The following RASGEF1C variants were observed in gnomAD, a reference collection of about 807,000 sequenced individuals.
The protein encoded by RASGEF1C is RasGEF domain family member 1C.
Under a neutral mutation model 58.1 loss-of-function variants are expected in RASGEF1C, and 27 were observed. The observed-to-expected ratio is 0.46, with a 90% CI of 0.34 to 0.64. RASGEF1C has a LOEUF of 0.64. RASGEF1C is among the 30% of genes least tolerant of loss of function. The probability of loss-of-function intolerance (pLI) is 0.01; values close to 1 mark genes in which losing one functional copy is unlikely to be tolerated. For synonymous variants in RASGEF1C, 243 were observed against 246.3 expected, an observed-to-expected ratio of 0.99 and a Z score of 0.13; for missense variants, 502 against 605.1, an observed-to-expected ratio of 0.83 and a Z score of 1.79.
At chr5:180,165,840 C>T (rs1767013572) in intron 1 of RASGEF1C, among the ~76,000 whole-genome samples, 1 of 141,686 alleles carries the variant, frequency 7.1e-6, no homozygotes, top group Non-Finnish European at 1.5e-5. Flanking sequence ...AGCTCTGCCT[C>T]CCGGGTTCAT....
intron 1 of RASGEF1C, among the ~76,000 whole-genome samples, chr5:180,157,834 A>G (rs527622769): frequency 6.6e-6 from 1 of 152,304 alleles, no homozygotes; most frequent in Non-Finnish European, 1.5e-5. Context: ...GGTGAAACAC[A>G]GAGGATTTCT....
At chr5:180,153,006 C>T (rs897348325) in intron 1 of RASGEF1C, among the ~76,000 whole-genome samples, 24 of 151,128 alleles carry the variant, frequency 1.6e-4, no homozygotes, top group Admixed American at 5.3e-4. Context: ...TTTTTTGAGG[C>T]TGTACCTTTC....
chr5:180,142,905 T>C (rs1281694475), intron 1 of RASGEF1C, among the ~76,000 whole-genome samples: 1 of 152,062 alleles, frequency 6.6e-6, no homozygotes, highest in Non-Finnish European at 1.5e-5. Context: ...GTGCCCCCGC[T>C]GTGGCAAGGG....
chr5:180,121,451 C>G (rs1302742950), intron 6 of RASGEF1C, among the ~76,000 whole-genome samples: 1 of 151,932 alleles, frequency 6.6e-6, no homozygotes, highest in Non-Finnish European at 1.5e-5. Flanking sequence ...GTAGGTGGGA[C>G]TACAGGCGCC....
At chr5:180,195,155 C>T (rs1412779059) in intron 1 of RASGEF1C, among the ~76,000 whole-genome samples, 2 of 152,184 alleles carry the variant, frequency 1.3e-5, no homozygotes, top group Non-Finnish European at 2.9e-5. Flanking sequence ...CGTGGCCTGA[C>T]TCCTGTTTGA....
chr5:180,104,689 C>T (rs892094898), intron 12 of RASGEF1C, among the ~76,000 whole-genome samples: 9 of 152,122 alleles, frequency 5.9e-5, no homozygotes, highest in Middle Eastern at 3.2e-3. Flanking sequence ...TAGAAGTCTC[C>T]AGTGTAACCA....
At chr5:180,185,415 T>C (rs1756015838) in intron 1 of RASGEF1C, among the ~76,000 whole-genome samples, 1 of 151,828 alleles carries the variant, frequency 6.6e-6, no homozygotes. Context: ...TGAAATCCCA[T>C]CTCTACTAAA....
chr5:180,162,535 A>G (rs1323996508), intron 1 of RASGEF1C, among the ~76,000 whole-genome samples: 1 of 152,224 alleles, frequency 6.6e-6, no homozygotes, highest in Admixed American at 6.5e-5. Context: ...TCAAAGCTGA[A>G]AATGGAACTG....
rs1257336798 is a variant in RASGEF1C, at chr5:180,190,327, A to AAT, written c.-7+18700_-7+18701insAT. ...ACGGTGAAACCCCGTCTCTACTAAA[A>AAT]ACAAAACAAAAAATTAGCCGGGCGT... is the stretch of plus-strand genomic sequence containing the variant. On this transcript the variant is annotated intron_variant, in intron 1 of 13. Transcript: ENST00000361132. Among the ~76,000 whole-genome samples the AAT allele has an allele frequency of 1.1e-4, 17 of 151,460 alleles. No individual in the cohort carries two copies. In the South Asian group the frequency reaches 2.3e-3, roughly 20 times the overall value.
At chr5:180,113,557 A>C (rs375510420) in intron 11 of RASGEF1C, among the ~76,000 whole-genome samples, 14 of 70,470 alleles carry the variant, frequency 2.0e-4, no homozygotes, top group South Asian at 6.7e-4. Context: ...GGGATCCGGG[A>C]TGGACGGAGG....
Position 180,143,634 on chromosome 5 carries a change from T to TC in RASGEF1C, c.-6-5577dup, listed in dbSNP as rs1301199808. 6.6e-6 allele frequency among the ~76,000 whole-genome samples: 1 copy of TC among 152,196 alleles called. No individual in the cohort carries two copies. Among genetic ancestry groups the TC allele is most frequent in the Non-Finnish European group, 1.5e-5 (1 of 68,030 alleles). On this transcript the variant is annotated intron_variant, in intron 1 of 13. Coordinates refer to ENST00000361132, the MANE Select transcript of RASGEF1C (RefSeq NM_175062.4). This position sits in a 1 kb window ranked among gnomAD's most constrained non-coding sequence, Gnocchi z 4.3. ...AAAAGTCATCCAGGACATCCAGGAC[T>TC]CCTGACTTACGTTTCATATTGTGAT...
chr5:180,193,246 G>A (rs998684306), intron 1 of RASGEF1C, among the ~76,000 whole-genome samples: 15 of 134,522 alleles, frequency 1.1e-4, no homozygotes, highest in South Asian at 2.9e-4. Context: ...TAGTAGAGAC[G>A]GGGTTTCACT....
chr5:180,161,368 G>A (rs1479256109), intron 1 of RASGEF1C, among the ~76,000 whole-genome samples: 1 of 152,262 alleles, frequency 6.6e-6, no homozygotes, highest in African/African-American at 2.4e-5. Context: ...TTCCTCCCTG[G>A]AAAGCGGAGG....
chr5:180,209,160 C>A lies in RASGEF1C; in HGVS notation c.-139G>T. 1 of 146,290 alleles carries A rather than the reference C, an allele frequency of 6.8e-6. No individual in the cohort carries two copies. The highest frequency in any genetic ancestry group is 1.9e-4 in the South Asian group (1 of 5,360). 9.1% of individuals were successfully genotyped at this position (146,290 alleles called of 1,614,324 possible). On this transcript the variant is annotated 5_prime_UTR_variant, in exon 1 of 14. Transcript: ENST00000361132. ...CCGCCGCCGCCGCCGCCCGACCGCC[C>A]GGCTCCCAGCGCAGCCCGCACGAGC...
intron 10 of RASGEF1C, among the ~76,000 whole-genome samples, chr5:180,117,122 C>G (rs539692360): frequency 1.5e-3 from 225 of 152,338 alleles, no homozygotes; most frequent in Non-Finnish European, 2.1e-3. Flanking sequence ...CCTGGCAGGC[C>G]GCCACCTGCC....
intron 1 of RASGEF1C, among the ~76,000 whole-genome samples, chr5:180,193,053 T>TTTTG (rs148059153): frequency 0.5 from 74,372 of 148,774 alleles, 19,392 homozygotes; most frequent in East Asian, 0.65. Context: ...GCCAGTTTTT[T>TTTTG]TTGTTGTTGT....
At chr5:180,194,300 G>T (rs1296116164) in intron 1 of RASGEF1C, among the ~76,000 whole-genome samples, 2 of 152,182 alleles carry the variant, frequency 1.3e-5, no homozygotes, top group East Asian at 3.9e-4. Context: ...TGGTTAGAGC[G>T]CAATAACCTA....
At chr5:180,196,044 T>G (rs1440184555) in intron 1 of RASGEF1C, among the ~76,000 whole-genome samples, 2 of 152,248 alleles carry the variant, frequency 1.3e-5, no homozygotes, top group Non-Finnish European at 2.9e-5. Context: ...ACCTATCACT[T>G]TGCATACTTA....
chr5:180,152,508 A>G (rs1359906525), intron 1 of RASGEF1C, among the ~76,000 whole-genome samples: 2 of 146,084 alleles, frequency 1.4e-5, no homozygotes, highest in African/African-American at 2.5e-5. Flanking sequence ...GTGGGAATTG[A>G]ACAATGAGAA....
Sources: gnomAD v4.1 joint callset for allele counts (sites outside exome capture counted in the v4.1 genomes callset) on GRCh38, gnomAD v4.1.1 for gene constraint, Gnocchi (gnomAD v3.1) non-coding constraint, MANE v1.5 for transcripts, NCBI Gene and HGNC (gene_info 2026-07-23, HGNC 2026-07-21) for gene names.